AMZ1: variants seen among roughly 807,000 people sequenced by gnomAD.
The protein encoded by AMZ1 is archaemetzincin-1.
In AMZ1, 39 loss-of-function variants were observed where a neutral mutation model predicts 29.9. That is an observed-to-expected ratio of 1.30 (90% confidence interval 1.01 to 1.70). The LOEUF is 1.70. Ranked by LOEUF, AMZ1 falls within the 40% of genes most tolerant of loss-of-function variation. AMZ1 has a pLI of 0.00. For missense variants in AMZ1, 1,041 were observed against 680.6 expected (o/e 1.53, Z -5.89); for synonymous variants, 458 against 304.0 (o/e 1.51, Z -5.27).
At chr7:2,733,317 T>C in intron 4 of AMZ1, 1 of 730,418 alleles carries the variant, frequency 1.4e-6, no homozygotes, top group South Asian at 1.6e-5. Context: ...ATTACAGTAC[T>C]ATTCGTGGTA....
chr7:2,748,756 A>C (rs1790886324), intron 4 of AMZ1, among the ~76,000 whole-genome samples: 1 of 152,132 alleles, frequency 6.6e-6, no homozygotes, highest in African/African-American at 2.4e-5. Context: ...TTTGCAACCT[A>C]CTCATCTGAC....
intron 1 of AMZ1, among the ~76,000 whole-genome samples, chr7:2,698,999 C>T (rs866362759): frequency 5.3e-5 from 8 of 152,142 alleles, no homozygotes; most frequent in African/African-American, 1.4e-4. Flanking sequence ...GAAGCTTGTC[C>T]GAGGGCTGCT....
rs138956355 is a variant in AMZ1, at chr7:2,700,632, C to T, written c.181C>T (p.Arg61Cys). Reference protein sequence around the residue: ...QRTLFCTLLIRTGFDWLLSRP... With the variant: ...QRTLFCTLLICTGFDWLLSRP... ...GACGCTCTTCTGCACCCTGCTCATCCGCACGGGCTTCGACTGGCTCCTGAG... is the reference window on the plus strand; with the variant it reads ...GACGCTCTTCTGCACCCTGCTCATCTGCACGGGCTTCGACTGGCTCCTGAG... The change falls in exon 2 of 7, where the codon CGC (arginine) becomes TGC (cysteine). Residue 61 changes from arginine (R) to cysteine (C), a missense_variant. Transcript: ENST00000683327. The T allele has an allele frequency of 3.6e-5, 58 of 1,611,438 alleles. No individual in the cohort carries two copies. Among genetic ancestry groups the T allele is most frequent in the Middle Eastern group, 3.3e-4 (2 of 6,084 alleles).
downstream of AMZ1, among the ~76,000 whole-genome samples, chr7:2,719,846 C>A (rs979045581): frequency 1.3e-5 from 2 of 152,004 alleles, no homozygotes; most frequent in African/African-American, 4.8e-5. Context: ...CCATGCCCGG[C>A]TAATTTTTGT....
chr7:2,710,822 A>C (rs1788726489), intron 6 of AMZ1, among the ~76,000 whole-genome samples: 1 of 152,200 alleles, frequency 6.6e-6, no homozygotes, highest in Non-Finnish European at 1.5e-5. Flanking sequence ...TCCCGAGGGT[A>C]CAGGTGGCGT....
At chr7:2,709,903 G>T (rs1265307651) in intron 6 of AMZ1, 87 bp downstream of exon 6, 3 of 1,538,220 alleles carry the variant, frequency 2.0e-6, no homozygotes, top group African/African-American at 1.4e-5. Flanking sequence ...CAGGGCATGG[G>T]GACCGCACAC....
At chr7:2,763,867 C>T (rs568184177), upstream of AMZ1, among the ~76,000 whole-genome samples, 2 of 152,242 alleles carry the variant, frequency 1.3e-5, no homozygotes, top group South Asian at 2.1e-4. Flanking sequence ...TGGCAGAGAG[C>T]GAGGGAGACG....
At chr7:2,755,079 C>T (rs1163386196) in intron 4 of AMZ1, among the ~76,000 whole-genome samples, 5 of 152,188 alleles carry the variant, frequency 3.3e-5, no homozygotes, top group African/African-American at 1.2e-4. Context: ...TGCAATCAGT[C>T]GGGCGTGCTG....
chr7:2,719,429 C>T lies in AMZ1; in HGVS notation c.*6551C>T, dbSNP rs564245864. Among the ~76,000 whole-genome samples, 26 of 152,298 alleles carry T rather than the reference C, an allele frequency of 1.7e-4. No individual in the cohort carries two copies. In the South Asian group the frequency reaches 2.7e-3, roughly 16 times the overall value. On this transcript the variant is annotated 3_prime_UTR_variant, in exon 7 of 7. Coordinates refer to ENST00000683327, the MANE Select transcript of AMZ1 (RefSeq NM_001384743.1). ...GCAGAGCCCAGAGCATCCCTTGGCCCGACGCACAAGTCCCACAATAGCCTC... is the reference window on the plus strand; with the variant it reads ...GCAGAGCCCAGAGCATCCCTTGGCCTGACGCACAAGTCCCACAATAGCCTC...
chr7:2,721,976 C>T (rs541694408), downstream of AMZ1, among the ~76,000 whole-genome samples: 32 of 152,334 alleles, frequency 2.1e-4, 1 homozygote, highest in East Asian at 1.7e-3. Flanking sequence ...CATGATGGCC[C>T]GGCGCAGGTG....
At chr7:2,740,275 C>G (rs1006633511) in intron 4 of AMZ1, among the ~76,000 whole-genome samples, 9 of 152,240 alleles carry the variant, frequency 5.9e-5, no homozygotes, top group Middle Eastern at 6.8e-3. Context: ...TGTGGAAGCC[C>G]TACCTGCAGT....
At chr7:2,697,979 A>G (rs1787839308) in intron 1 of AMZ1, among the ~76,000 whole-genome samples, 1 of 152,266 alleles carries the variant, frequency 6.6e-6, no homozygotes, top group African/African-American at 2.4e-5. Context: ...ATGTATATAC[A>G]GCTGTGTCAC....
Position 2,718,296 on chromosome 7 carries a change from G to A in AMZ1, c.*5418G>A, listed in dbSNP as rs1789247382. On this transcript the variant is annotated 3_prime_UTR_variant, in exon 7 of 7. Coordinates refer to ENST00000683327, the MANE Select transcript of AMZ1 (RefSeq NM_001384743.1). ...GTCCATTTTCTCTCTCAGGCAGGGT[G>A]CTCTGCCCGCCACAGTGTGCCTGGT... 1.3e-5 allele frequency among the ~76,000 whole-genome samples: 2 copies of A among 152,204 alleles called. No individual in the cohort carries two copies. The highest frequency in any genetic ancestry group is 4.8e-5 in the African/African-American group (2 of 41,456).
upstream of AMZ1, among the ~76,000 whole-genome samples, chr7:2,760,948 CCT>C (rs1468987299): frequency 2.0e-5 from 3 of 152,212 alleles, no homozygotes; most frequent in Non-Finnish European, 2.9e-5. Context: ...TCCAGCTCCC[CCT>C]GTCCTTCCCA....
chr7:2,707,458 C>CT (rs1788427509), intron 3 of AMZ1, among the ~76,000 whole-genome samples: 1 of 152,042 alleles, frequency 6.6e-6, no homozygotes, highest in Non-Finnish European at 1.5e-5. Context: ...TGCTCTGCCC[C>CT]CTTCCCTCCC....
At chr7:2,754,111 C>T (rs2115372071) in intron 4 of AMZ1, among the ~76,000 whole-genome samples, 1 of 152,328 alleles carries the variant, frequency 6.6e-6, no homozygotes, top group East Asian at 1.9e-4. Context: ...CCCAGCTTCT[C>T]AGTATCCTCA....
rs934006206 is a variant in AMZ1, at chr7:2,713,140, G to T, written c.*262G>T. 3.0e-6 allele frequency: 1 copy of T among 333,162 alleles called. No individual in the cohort carries two copies. Among genetic ancestry groups the T allele is most frequent in the African/African-American group, 2.1e-5 (1 of 46,942 alleles). The allele number at this position is 333,162 out of a possible 1,614,324, so 20.6% of individuals were successfully genotyped here. On this transcript the variant is annotated 3_prime_UTR_variant, in exon 7 of 7. Transcript: ENST00000683327. ...GCCTGTGTTCCCAGCTATTCAGGAG[G>T]CTGAGGTGGGAGGATTGCTTGAGCC...
rs1789037230 is a variant in AMZ1, at chr7:2,715,020, G to A, written c.*2142G>A. ...CATGACAGTGACCTGGGAGGTAACTGTGCCAGAATAAAGAGGGGAGACGAA... is the reference window on the plus strand; with the variant it reads ...CATGACAGTGACCTGGGAGGTAACTATGCCAGAATAAAGAGGGGAGACGAA... On this transcript the variant is annotated 3_prime_UTR_variant, in exon 7 of 7. Coordinates refer to ENST00000683327, the MANE Select transcript of AMZ1 (RefSeq NM_001384743.1). The A allele has an allele frequency of 6.6e-6, 1 of 152,096 alleles. No individual in the cohort carries two copies. Among genetic ancestry groups the A allele is most frequent in the African/African-American group, 2.4e-5 (1 of 41,184 alleles). The allele number at this position is 152,096 out of a possible 1,614,324, so 9.4% of individuals were successfully genotyped here. A position where few individuals can be genotyped will look rare whatever the true frequency, so the allele number is the denominator to read the frequency against.
chr7:2,705,267 C>T (rs1295738101), intron 3 of AMZ1, among the ~76,000 whole-genome samples: 1 of 152,192 alleles, frequency 6.6e-6, no homozygotes, highest in Non-Finnish European at 1.5e-5. Context: ...CGCATCCCTC[C>T]CAGGGCAGGA....
Sources: allele counts gnomAD v4.1 joint callset (sites outside exome capture counted in the v4.1 genomes callset), GRCh38; gene constraint gnomAD v4.1.1; transcripts MANE v1.5; gene names NCBI Gene and HGNC (gene_info 2026-07-23, HGNC 2026-07-21).